The following VWDE variants were observed in gnomAD, a reference collection of about 807,000 sequenced individuals.
VWDE encodes the protein von Willebrand factor D and EGF domain-containing protein.
A neutral mutation model predicts 178.4 loss-of-function variants in VWDE; 207 were observed. That is an observed-to-expected ratio of 1.16 (90% CI 1.04 to 1.30). VWDE has a LOEUF of 1.30. Ranked by LOEUF, VWDE falls within the 50% of genes most tolerant of loss-of-function variation. The pLI, the probability that VWDE is intolerant of heterozygous loss-of-function variation, is 0.00. For missense variants in VWDE, 2,287 were observed against 1,901.3 expected (o/e 1.20, Z -3.77); for synonymous variants, 738 against 651.4 (o/e 1.13, Z -2.02).
intron 18 of VWDE, among the ~76,000 whole-genome samples, chr7:12,355,677 T>G (rs73680952): frequency 0.017 from 2,526 of 152,292 alleles, 62 homozygotes; most frequent in African/African-American, 0.058. Context: ...GTAAATATGC[T>G]AACATTTCAT....
rs78774277 is a variant in VWDE, at chr7:12,357,543, T to C, written c.3275-28A>G. ...GTAATAGAGAAAACACTTAACTTTA[T>C]ACCCGTGTAGAAAAAGGAATGAAGT... On this transcript the variant is annotated intron_variant, in intron 16 of 28. Transcript: ENST00000275358. The C allele has an allele frequency of 2.9e-3, 4,540 of 1,548,964 alleles. 21 individuals carry two copies. The highest frequency in any genetic ancestry group is 0.019 in the Middle Eastern group (111 of 5,972).
At chr7:12,352,076 G>C (rs1781973877) in intron 18 of VWDE, among the ~76,000 whole-genome samples, 1 of 152,180 alleles carries the variant, frequency 6.6e-6, no homozygotes, top group South Asian at 2.1e-4. Context: ...AACATAGCCA[G>C]TCTGCAAACC....
At position 12,386,940 on chromosome 7, in the gene VWDE, G is replaced by A. The variant is rs939987770; in HGVS notation, c.475+2187C>T. Among the ~76,000 whole-genome samples the A allele has an allele frequency of 9.2e-5, 14 of 151,964 alleles. No homozygotes were observed. The East Asian group carries it at 1.3e-3, about 15-fold the overall frequency. ...TACATATGTGTGAAATGATTAGTGC[G>A]TTATTATTATACTTGTGGAATACTG... is the stretch of plus-strand genomic sequence containing the variant. On this transcript the variant is annotated intron_variant, in intron 3 of 28. Transcript: ENST00000275358.
chr7:12,344,047 G>T (rs1033842756), intron 21 of VWDE, 148 bp downstream of exon 21: 6 of 475,876 alleles, frequency 1.3e-5, no homozygotes, highest in Non-Finnish European at 2.2e-5. Context: ...TATTTAATAA[G>T]TATTTTAAAA....
intron 24 of VWDE, among the ~76,000 whole-genome samples, chr7:12,339,994 G>T (rs1016198658): frequency 1.3e-5 from 2 of 152,090 alleles, no homozygotes; most frequent in African/African-American, 4.8e-5. Flanking sequence ...AAACATTTTT[G>T]CTGTGTAGGC....
chr7:12,337,190 C>A lies in VWDE; in HGVS notation c.4449G>T (p.Arg1483Ser), dbSNP rs574463717. The part of the protein sequence containing the change: ...VCVCREGYTG[R>S]RFQKSICDPT... ...GTGATGTCTTACTTTTTTGGAATCT[C>A]CTACCAGTGTATCCTTCACGACAGA... The change falls in exon 25 of 29, where the codon AGG becomes AGT. Residue 1483 changes from arginine (R) to serine (S), a missense_variant. Coordinates refer to ENST00000275358, the MANE Select transcript of VWDE (RefSeq NM_001135924.3). The A allele has an allele frequency of 1.4e-5, 21 of 1,551,774 alleles. No individual in the cohort carries two copies. The East Asian group carries it at 4.9e-4, about 36-fold the overall frequency.
rs895230239 is a variant in VWDE, at chr7:12,372,847, G to T, written c.1587+130C>A. 46 of 845,518 alleles carry T rather than the reference G, an allele frequency of 5.4e-5. 1 individual carries two copies. The highest frequency in any genetic ancestry group is 5.8e-5 in the Admixed American group (2 of 34,380). 52.4% of individuals were successfully genotyped at this position (845,518 alleles called of 1,614,324 possible). A position where few individuals can be genotyped will look rare whatever the true frequency, so the allele number is the denominator to read the frequency against. Reference sequence around the variant, plus strand: ...GAGAAAAATGTATTCCCTCTAAGATGATGGTTAATATAAATGCTATTTTCT... The same window carrying T: ...GAGAAAAATGTATTCCCTCTAAGATTATGGTTAATATAAATGCTATTTTCT... On this transcript the variant is annotated intron_variant, in intron 10 of 28. Transcript: ENST00000275358.
intron 1 of VWDE, among the ~76,000 whole-genome samples, chr7:12,400,457 G>T (rs1361089500): frequency 6.6e-6 from 1 of 152,056 alleles, no homozygotes; most frequent in Non-Finnish European, 1.5e-5. Flanking sequence ...ACTTAGATGA[G>T]ATTGACAAAT....
intron 19 of VWDE, among the ~76,000 whole-genome samples, chr7:12,350,771 C>A (rs1583289550): frequency 6.6e-6 from 1 of 152,050 alleles, no homozygotes; most frequent in African/African-American, 2.4e-5. Context: ...GAAGTAATAA[C>A]AGTTACTGTA....
chr7:12,372,182 A>G (rs1333070318), intron 10 of VWDE, among the ~76,000 whole-genome samples: 2 of 151,526 alleles, frequency 1.3e-5, no homozygotes, highest in African/African-American at 4.9e-5. Flanking sequence ...AGGTTTTTTT[A>G]TATTATTTGC....
intron 27 of VWDE, 164 bp from the exon 28 acceptor site, chr7:12,333,732 T>C: frequency 2.0e-6 from 1 of 489,706 alleles, no homozygotes; most frequent in Non-Finnish European, 3.7e-6. Flanking sequence ...ACTCTTGTCT[T>C]TCAGAGCACA....
chr7:12,334,712 G>C (rs940476917), intron 27 of VWDE, among the ~76,000 whole-genome samples: 4 of 152,180 alleles, frequency 2.6e-5, no homozygotes, highest in Admixed American at 2.0e-4. Flanking sequence ...TGCAGAAACA[G>C]GGTGCACAGC....
chr7:12,336,956 A>G (rs1242864258), intron 26 of VWDE, 32 bp downstream of exon 26: 2 of 1,514,794 alleles, frequency 1.3e-6, no homozygotes, highest in Non-Finnish European at 1.8e-6. Context: ...TGAAGGACGA[A>G]AGCTTCAGTG....
chr7:12,377,214 A>G (rs1783577576), intron 7 of VWDE, among the ~76,000 whole-genome samples: 1 of 152,144 alleles, frequency 6.6e-6, no homozygotes, highest in South Asian at 2.1e-4. Context: ...CACTCTATCC[A>G]TTGACACATA....
At chr7:12,349,073 T>C (rs1051787550) in intron 19 of VWDE, among the ~76,000 whole-genome samples, 3 of 152,086 alleles carry the variant, frequency 2.0e-5, no homozygotes, top group African/African-American at 7.2e-5. Flanking sequence ...CTGGGGCCTG[T>C]TGTGCGGTGC....
At chr7:12,339,013 T>G (rs1375271557) in intron 24 of VWDE, among the ~76,000 whole-genome samples, 2 of 152,088 alleles carry the variant, frequency 1.3e-5, no homozygotes. Flanking sequence ...CAAGATGAGA[T>G]CTAATAAGAA....
At chr7:12,390,610 ATATT>A (rs1413041297) in intron 2 of VWDE, among the ~76,000 whole-genome samples, 13 of 151,664 alleles carry the variant, frequency 8.6e-5, no homozygotes, top group Non-Finnish European at 1.9e-4. Context: ...ATATTGTGTT[ATATT>A]TATGTATAAT....
intron 27 of VWDE, among the ~76,000 whole-genome samples, chr7:12,334,467 G>GA (rs1418391130): frequency 7.5e-3 from 2 of 268 alleles, no homozygotes; most frequent in African/African-American, 0.028. Flanking sequence ...GTTTTCATCA[G>GA]GCTGCTGTAT....
chr7:12,362,554 G>A (rs1782645523), intron 13 of VWDE, among the ~76,000 whole-genome samples: 1 of 151,988 alleles, frequency 6.6e-6, no homozygotes. Context: ...AACTACGTAG[G>A]AAACCAAAAG....
Sources: gnomAD v4.1 joint callset for allele counts (sites outside exome capture counted in the v4.1 genomes callset) on GRCh38, gnomAD v4.1.1 for gene constraint, MANE v1.5 for transcripts, NCBI Gene and HGNC (gene_info 2026-07-23, HGNC 2026-07-21) for gene names.